The following KLF12 variants were observed in gnomAD, a reference collection of about 807,000 sequenced individuals.
KLF12 encodes KLF transcription factor 12.
KLF12 carries 9 observed loss-of-function variants against 37.8 expected under a neutral mutation model. The ratio of observed to expected loss-of-function variants is 0.24; its 90% CI spans 0.14 to 0.42. KLF12 has a LOEUF of 0.42. Ranked by LOEUF, KLF12 falls within the 10% of genes least tolerant of loss-of-function variation. KLF12 has a pLI of 1.00. For missense variants in KLF12, 411 were observed against 516.0 expected, an observed-to-expected ratio of 0.80 and a Z score of 1.97; for synonymous variants, 208 against 202.1, an observed-to-expected ratio of 1.03 and a Z score of -0.25.
intron 1 of KLF12, among the ~76,000 whole-genome samples, chr13:74,059,341 T>C (rs1873440542): frequency 1.3e-5 from 2 of 152,220 alleles, no homozygotes; most frequent in Admixed American, 1.3e-4. Flanking sequence ...CTATTTTTAG[T>C]TTCTTGAGAA....
At chr13:73,878,838 A>C (rs1038424784) in intron 3 of KLF12, among the ~76,000 whole-genome samples, 1 of 152,148 alleles carries the variant, frequency 6.6e-6, no homozygotes, top group African/African-American at 2.4e-5. Flanking sequence ...GGGGCACCCA[A>C]GGAATCCCTG....
chr13:74,269,471 T>C, the KLF12 span, among the ~76,000 whole-genome samples: 2 of 152,136 alleles, frequency 1.3e-5, no homozygotes, highest in Non-Finnish European at 2.9e-5. Flanking sequence ...TAGAGAAGAA[T>C]AGATTGTGAC....
chr13:74,035,108 G>A (rs1893214432), intron 1 of KLF12, among the ~76,000 whole-genome samples: 1 of 152,062 alleles, frequency 6.6e-6, no homozygotes, highest in African/African-American at 2.4e-5. Flanking sequence ...CTCAGTATTT[G>A]CGGTTATTGG....
chr13:74,183,042 C>T, the KLF12 span, among the ~76,000 whole-genome samples: 1 of 152,180 alleles, frequency 6.6e-6, no homozygotes, highest in African/African-American at 2.4e-5. Context: ...ATTTTTAACT[C>T]AAGCCTCAAG....
At chr13:73,715,333 C>A (rs1875718053) in intron 7 of KLF12, 35 bp downstream of exon 7, 3 of 1,593,238 alleles carry the variant, frequency 1.9e-6, no homozygotes, top group Non-Finnish European at 2.6e-6. Flanking sequence ...TGGACTCTCA[C>A]TGGCTCACAG....
At chr13:74,261,899 T>C in the KLF12 span, among the ~76,000 whole-genome samples, 1 of 152,214 alleles carries the variant, frequency 6.6e-6, no homozygotes. Context: ...CAGAGCTTCA[T>C]GACCAAATGA....
intron 2 of KLF12, among the ~76,000 whole-genome samples, chr13:73,944,343 C>T (rs747540147): frequency 1.2e-4 from 19 of 152,124 alleles, no homozygotes; most frequent in African/African-American, 4.3e-4. Context: ...GGAAACCTTA[C>T]GTTAATTTAT....
At chr13:74,161,255 T>G in the KLF12 span, among the ~76,000 whole-genome samples, 7 of 152,140 alleles carry the variant, frequency 4.6e-5, no homozygotes, top group African/African-American at 1.7e-4. Flanking sequence ...CCTCCCAAAA[T>G]TTACATCCAC....
chr13:73,739,393 T>A (rs1338571145), intron 6 of KLF12, among the ~76,000 whole-genome samples: 1 of 152,090 alleles, frequency 6.6e-6, no homozygotes, highest in African/African-American at 2.4e-5. Context: ...TTCTCACTGT[T>A]CCCCAATTCT....
intron 3 of KLF12, among the ~76,000 whole-genome samples, chr13:73,856,751 G>A (rs1477025374): frequency 2.0e-5 from 3 of 152,198 alleles, no homozygotes; most frequent in African/African-American, 7.2e-5. Flanking sequence ...CAATTTGGGA[G>A]GCGGAGGTGG....
chr13:73,946,423 T>G (rs1043384218), intron 2 of KLF12, among the ~76,000 whole-genome samples: 3 of 152,212 alleles, frequency 2.0e-5, no homozygotes, highest in African/African-American at 7.2e-5. Context: ...TCTTTGAAGT[T>G]AAAAACTGAT....
At chr13:74,274,053 CATCTTA>C in the KLF12 span, among the ~76,000 whole-genome samples, 1 of 152,138 alleles carries the variant, frequency 6.6e-6, no homozygotes, top group African/African-American at 2.4e-5. Flanking sequence ...CACCGAAAAT[CATCTTA>C]ATTTGATAAA....
the KLF12 span, among the ~76,000 whole-genome samples, chr13:74,185,120 T>C: frequency 6.6e-6 from 1 of 152,236 alleles, no homozygotes; most frequent in Non-Finnish European, 1.5e-5. Flanking sequence ...CTAGTCTTGG[T>C]CCAGCAAGAT....
At chr13:74,122,960 TA>T (rs58691841) in intron 1 of KLF12, among the ~76,000 whole-genome samples, 2,877 of 113,860 alleles carry the variant, frequency 0.025, 97 homozygotes, top group African/African-American at 0.085. Flanking sequence ...AACAGGTCAC[TA>T]AAAAAAAAAA....
At chr13:73,703,136 A>T (rs1054456607) in intron 7 of KLF12, among the ~76,000 whole-genome samples, 1 of 152,162 alleles carries the variant, frequency 6.6e-6, no homozygotes, top group African/African-American at 2.4e-5. Context: ...CTCATCTGTA[A>T]AACAGGAATG....
rs373916671 is a variant in KLF12 at position 74,069,790 on chromosome 13, GAA to G, written c.-32+63947_-32+63948del. On this transcript the variant is annotated intron_variant, in intron 1 of 7. Transcript: ENST00000377669. ...CATGACTTGGTGACTCATGAGACGT[GAA>G]AAGAGTGAAGGATAATACTGACTTA... 3.6e-3 allele frequency among the ~76,000 whole-genome samples: 553 copies of G among 152,260 alleles called. 5 individuals are homozygous for G. The highest frequency in any genetic ancestry group is 0.02 in the Middle Eastern group (6 of 294).
chr13:74,026,628 G>A (rs1925046), intron 1 of KLF12, among the ~76,000 whole-genome samples: 2 of 151,980 alleles, frequency 1.3e-5, no homozygotes, highest in Non-Finnish European at 2.9e-5. Flanking sequence ...TCTGTTACAT[G>A]TATTTTACTA....
intron 5 of KLF12, among the ~76,000 whole-genome samples, chr13:73,807,266 G>T (rs916107906): frequency 1.3e-5 from 2 of 151,524 alleles, no homozygotes; most frequent in African/African-American, 4.8e-5. Context: ...CCGAGATCGT[G>T]CCATTGCACT....
the KLF12 span, among the ~76,000 whole-genome samples, chr13:74,192,302 T>C: frequency 6.6e-6 from 1 of 152,218 alleles, no homozygotes; most frequent in Non-Finnish European, 1.5e-5. Context: ...GCAAACTATA[T>C]TGAGTATAAA....
Sources: allele counts gnomAD v4.1 joint callset (sites outside exome capture counted in the v4.1 genomes callset), GRCh38; gene constraint gnomAD v4.1.1; transcripts MANE v1.5; gene names NCBI Gene and HGNC (gene_info 2026-07-23, HGNC 2026-07-21).